TSTD2: variants seen among roughly 807,000 people sequenced by gnomAD.
The protein encoded by TSTD2 is thiosulfate sulfurtransferase/rhodanese-like domain-containing protein 2.
Under a neutral mutation model 47.9 loss-of-function variants are expected in TSTD2, and 37 were observed. The observed-to-expected ratio is 0.77, with a 90% CI of 0.59 to 1.02. The LOEUF (loss-of-function observed/expected upper bound fraction) is 1.02, where lower values mean the gene tolerates loss of function less well. Among genes scored for constraint, TSTD2 ranks in the 50% least tolerant of loss-of-function variants. The pLI is 0.00. For missense variants in TSTD2, 586 were observed against 616.0 expected (o/e 0.95, Z 0.52); for synonymous variants, 201 against 215.9 (o/e 0.93, Z 0.61).
At position 97,602,542 on chromosome 9, in the gene TSTD2, A is replaced by G. The variant is rs749218582; in HGVS notation, c.1478T>C (p.Leu493Ser). Residue 493 changes from leucine to serine, a missense_variant, in exon 10 of 10, where the codon TTG (leucine) becomes TCG (serine). Leu to Ser is a moderately radical substitution (Grantham distance 145). Transcript: ENST00000341170. Reference protein sequence around the residue: ...ARRPRIPRELLQHVRQPVSPE... With the variant: ...ARRPRIPRELSQHVRQPVSPE... ...GCTCACAGGCTGTCGCACATGCTGC[A>G]AGAGTTCCCTAGGTATGCGTGGCCG... The G allele has an allele frequency of 3.1e-6, 5 of 1,614,066 alleles. No individual in the cohort carries two copies. Among genetic ancestry groups the G allele is most frequent in the Admixed American group, 1.7e-5 (1 of 60,010 alleles).
In TSTD2 at chr9:97,600,410, G is replaced by A. The variant is rs987356798; in HGVS notation, c.*2059C>T. ...AAACATGTCCCTGAGTGTTCTTTAA[G>A]AACATTTGGGATTTATGTACAATTT... On this transcript the variant is annotated 3_prime_UTR_variant, in exon 10 of 10. Transcript: ENST00000341170. 1 of 985,618 alleles carries A rather than the reference G, an allele frequency of 1.0e-6. No homozygotes were observed. Among genetic ancestry groups the A allele is most frequent in the Non-Finnish European group, 1.2e-6 (1 of 830,098 alleles). The allele number at this position is 985,618 out of a possible 1,614,324, so 61.1% of individuals were successfully genotyped here.
rs1017405168 is a variant in TSTD2 at position 97,600,679 on chromosome 9, G to A, written c.*1790C>T. The A allele has an allele frequency of 1.0e-5, 10 of 996,062 alleles. No homozygotes were observed. Among genetic ancestry groups the A allele is most frequent in the Non-Finnish European group, 1.1e-5 (9 of 836,586 alleles). The allele number at this position is 996,062 out of a possible 1,614,324, so 61.7% of individuals were successfully genotyped here. ...TTAGACAAATTGCTGCTGACCTTAC[G>A]CCTGTATATTAAGCCTCCGCAGGAT... On this transcript the variant is annotated 3_prime_UTR_variant, in exon 10 of 10. Transcript: ENST00000341170.
intron 3 of TSTD2, among the ~76,000 whole-genome samples, chr9:97,620,480 G>C (rs981965255): frequency 6.6e-6 from 1 of 152,244 alleles, no homozygotes; most frequent in Non-Finnish European, 1.5e-5. Context: ...ACCCAAAAAG[G>C]TGGAAGTGAT....
Position 97,602,606 on chromosome 9 carries a change from G to C in TSTD2, c.1414C>G (p.Gln472Glu). 6.2e-7 allele frequency: 1 copy of C among 1,614,200 alleles called. No homozygotes were observed. The highest frequency in any genetic ancestry group is 8.5e-7 in the Non-Finnish European group (1 of 1,180,026). ...KGSRKVSGPM[Q>E]DSFKEECECT... ...TCGCATTCCTCTTTAAAGCTGTCTT[G>C]CATAGGGCCTGAAACTTTCCTGCTC... Residue 472 changes from glutamine (Q) to glutamate (E), a missense_variant, in exon 10 of 10, where the codon CAA becomes GAA. Transcript: ENST00000341170.
Position 97,604,641 on chromosome 9 carries a change from C to G in TSTD2, c.1252+86G>C, listed in dbSNP as rs191605390. The G allele has an allele frequency of 5.0e-5, 79 of 1,576,552 alleles. No homozygotes were observed. The African/African-American group carries it at 1.0e-3, about 20-fold the overall frequency. On this transcript the variant is annotated intron_variant, in intron 9 of 9. Coordinates refer to ENST00000341170, the MANE Select transcript of TSTD2 (RefSeq NM_139246.5). ...TTCAGTGCTCAGTAATGAGCACTGG[C>G]CTGTCTTCCCTGTGTCATTTTTCTA...
Position 97,600,339 on chromosome 9 carries a change from A to C in TSTD2, c.*2130T>G, listed in dbSNP as rs1023623324. 34 of 986,024 alleles carry C rather than the reference A, an allele frequency of 3.4e-5. No individual in the cohort carries two copies. In the African/African-American group the frequency reaches 5.8e-4, roughly 17 times the overall value. 61.1% of individuals were successfully genotyped at this position (986,024 alleles called of 1,614,324 possible). ...TGATAGGAAAAAAACCAATGGTGAA[A>C]TTTCAAGTTTCAAAAACCAACCTTT... On this transcript the variant is annotated 3_prime_UTR_variant, in exon 10 of 10. Coordinates refer to ENST00000341170, the MANE Select transcript of TSTD2 (RefSeq NM_139246.5).
intron 1 of TSTD2, among the ~76,000 whole-genome samples, chr9:97,629,374 G>A (rs1826774355): frequency 6.6e-6 from 1 of 152,132 alleles, no homozygotes; most frequent in African/African-American, 2.4e-5. Context: ...TTTGTTCCTT[G>A]GATTCATAAA....
chr9:97,629,856 T>C (rs1237662582), intron 1 of TSTD2, among the ~76,000 whole-genome samples: 1 of 152,240 alleles, frequency 6.6e-6, no homozygotes, highest in Non-Finnish European at 1.5e-5. Flanking sequence ...GCAGTACATT[T>C]GGGAGGTAAC....
intron 4 of TSTD2, among the ~76,000 whole-genome samples, chr9:97,616,792 CAT>C (rs1394916528): frequency 1.3e-5 from 2 of 152,124 alleles, no homozygotes; most frequent in Non-Finnish European, 2.9e-5. Context: ...ATATAAAATA[CAT>C]AGACATATGC....
chr9:97,627,908 G>T (rs1826748317), intron 1 of TSTD2, among the ~76,000 whole-genome samples: 1 of 152,222 alleles, frequency 6.6e-6, no homozygotes, highest in African/African-American at 2.4e-5. Context: ...GTCAGATGGT[G>T]TAAAGGTTAT....
In TSTD2 at chr9:97,602,421, C is replaced by T. The variant is rs997047081; in HGVS notation, c.*48G>A. 6.5e-7 allele frequency: 1 copy of T among 1,537,692 alleles called. No individual in the cohort carries two copies. The highest frequency in any genetic ancestry group is 1.3e-5 in the South Asian group (1 of 78,116). On this transcript the variant is annotated 3_prime_UTR_variant, in exon 10 of 10. Coordinates refer to ENST00000341170, the MANE Select transcript of TSTD2 (RefSeq NM_139246.5). ...TGCCATGCTTTCTCTGTATAGTCACCCCAAACCTACTTTTACCGAGGGCCT... is the reference window on the plus strand; with the variant it reads ...TGCCATGCTTTCTCTGTATAGTCACTCCAAACCTACTTTTACCGAGGGCCT...
chr9:97,623,945 T>C (rs1826678737), intron 3 of TSTD2, among the ~76,000 whole-genome samples: 1 of 152,204 alleles, frequency 6.6e-6, no homozygotes, highest in East Asian at 1.9e-4. Context: ...ATATATAGTA[T>C]GCATGTTATT....
chr9:97,625,948 A>G lies in TSTD2; in HGVS notation c.215T>C (p.Phe72Ser). Residue 72 changes from phenylalanine (F) to serine (S), a missense_variant, in exon 3 of 10, where the codon TTT (phenylalanine) becomes TCT (serine). Transcript: ENST00000341170. ...KTKEVPTKRS[F>S]ECKEKLWKCC... ...TTTCCACAATTTTTCTTTACATTCA[A>G]AACTCCTTTTTGTTGGAACTTCTTT... 2 of 1,613,462 alleles carry G rather than the reference A, an allele frequency of 1.2e-6. No individual in the cohort carries two copies. The highest frequency in any genetic ancestry group is 1.7e-5 in the Admixed American group (1 of 59,924).
intron 4 of TSTD2, among the ~76,000 whole-genome samples, chr9:97,613,420 T>C (rs1826490746): frequency 6.6e-6 from 1 of 152,180 alleles, no homozygotes; most frequent in African/African-American, 2.4e-5. Context: ...TAAATGAATA[T>C]GCATCCATAT....
rs561872072 is a variant in TSTD2, at chr9:97,631,370, C to T, written c.-51+1873G>A. Among the ~76,000 whole-genome samples, 4 of 152,114 alleles carry T rather than the reference C, an allele frequency of 2.6e-5. No individual in the cohort carries two copies. In the East Asian group the frequency reaches 7.7e-4, roughly 29 times the overall value. On this transcript the variant is annotated intron_variant, in intron 1 of 9. Coordinates refer to ENST00000341170, the MANE Select transcript of TSTD2 (RefSeq NM_139246.5). ...TCTCCAGACCTTGTGATCCACCCAC[C>T]TCGGACTCCCAAAGTGCTAGGATTA...
chr9:97,625,619 G>A, intron 3 of TSTD2, 62 bp downstream of exon 3: 1 of 1,465,704 alleles, frequency 6.8e-7, no homozygotes, highest in African/African-American at 1.4e-5. Context: ...GTGAATTGTA[G>A]TATCTCATTG....
At chr9:97,614,569 G>C (rs1440889713) in intron 4 of TSTD2, among the ~76,000 whole-genome samples, 1 of 141,224 alleles carries the variant, frequency 7.1e-6, no homozygotes, top group African/African-American at 2.5e-5. Context: ...AACGTGACAA[G>C]ATCTGGAGAG....
chr9:97,629,263 T>C (rs1394753275), intron 1 of TSTD2, among the ~76,000 whole-genome samples: 1 of 152,134 alleles, frequency 6.6e-6, no homozygotes, highest in Non-Finnish European at 1.5e-5. Context: ...AGTTTATGTG[T>C]GGGGGAACAC....
chr9:97,602,444 C>T lies in TSTD2; in HGVS notation c.*25G>A, dbSNP rs769646040. ...ACCCCAAACCTACTTTTACCGAGGGCCTGGGAAAATGCCAAAGGTGCTGCT... is the reference window on the plus strand; with the variant it reads ...ACCCCAAACCTACTTTTACCGAGGGTCTGGGAAAATGCCAAAGGTGCTGCT... On this transcript the variant is annotated 3_prime_UTR_variant, in exon 10 of 10. Transcript: ENST00000341170. The T allele has an allele frequency of 2.6e-6, 4 of 1,562,846 alleles. No individual in the cohort carries two copies. The highest frequency in any genetic ancestry group is 1.2e-5 in the South Asian group (1 of 83,236).
Sources: gnomAD v4.1 joint callset for allele counts (sites outside exome capture counted in the v4.1 genomes callset) on GRCh38, gnomAD v4.1.1 for gene constraint, MANE v1.5 for transcripts, NCBI Gene and HGNC (gene_info 2026-07-23, HGNC 2026-07-21) for gene names.